Variants in RBM6 observed in about 807,000 individuals in gnomAD.
The protein encoded by RBM6 is RNA binding motif protein 6.
In RBM6, 23 loss-of-function variants were observed where a neutral mutation model predicts 140.4. That is an observed-to-expected ratio of 0.16 (90% confidence interval 0.12 to 0.23). The LOEUF is 0.23. Among genes scored for constraint, RBM6 ranks in the 10% least tolerant of loss-of-function variants. RBM6 has a pLI of 1.00. For synonymous variants in RBM6, 439 were observed against 475.6 expected, an observed-to-expected ratio of 0.92 and a Z score of 1.00; for missense variants, 1,139 against 1,386.7, an observed-to-expected ratio of 0.82 and a Z score of 2.84.
chr3:50,018,609 T>TTA (rs1329741803), intron 6 of RBM6, among the ~76,000 whole-genome samples: 1 of 137,302 alleles, frequency 7.3e-6, no homozygotes, highest in Non-Finnish European at 1.5e-5. Flanking sequence ...TTTTTTTTTT[T>TTA]TTGACACGGA....
intron 1 of RBM6, among the ~76,000 whole-genome samples, chr3:49,949,745 C>G (rs1264191560): frequency 6.6e-6 from 1 of 151,978 alleles, no homozygotes; most frequent in Non-Finnish European, 1.5e-5. Flanking sequence ...GATCTCCTGA[C>G]CTCGTGATCC....
At chr3:50,017,956 C>A (rs186959606) in intron 6 of RBM6, among the ~76,000 whole-genome samples, 1 of 152,290 alleles carries the variant, frequency 6.6e-6, no homozygotes, top group Admixed American at 6.5e-5. Flanking sequence ...ATCCCTGCCA[C>A]CCTTCTCCCA....
In RBM6 at chr3:50,022,825, G is replaced by A. The variant is rs571796316; in HGVS notation, c.1557+23312G>A. On this transcript the variant is annotated intron_variant, in intron 6 of 20. Coordinates refer to ENST00000266022, the MANE Select transcript of RBM6 (RefSeq NM_005777.3). The stretch of plus-strand genomic sequence containing the variant: ...ATATAAGGGAGTTTGGGGGCTGGGC[G>A]CAGTGACTCACACCTGTAATCCCAG... Among the ~76,000 whole-genome samples the A allele has an allele frequency of 3.9e-5, 6 of 152,166 alleles. No individual in the cohort carries two copies. In the South Asian group the frequency reaches 8.3e-4, roughly 21 times the overall value.
rs543079081 is a variant in RBM6, at chr3:50,028,274, C to T, written c.1558-19971C>T. ...GTTTCTGCCTGTGTGTCTGTTAGTGCTCATATGGTCTAGTTCCTGAGTTAA... is the reference window on the plus strand; with the variant it reads ...GTTTCTGCCTGTGTGTCTGTTAGTGTTCATATGGTCTAGTTCCTGAGTTAA... On this transcript the variant is annotated intron_variant, in intron 6 of 20. Coordinates refer to ENST00000266022, the MANE Select transcript of RBM6 (RefSeq NM_005777.3). 6.6e-5 allele frequency among the ~76,000 whole-genome samples: 10 copies of T among 152,238 alleles called. No homozygotes were observed. The East Asian group carries it at 1.9e-3, about 29-fold the overall frequency.
At chr3:50,072,270 C>T (rs1195860625) in intron 19 of RBM6, among the ~76,000 whole-genome samples, 1 of 150,768 alleles carries the variant, frequency 6.6e-6, no homozygotes, top group Admixed American at 6.6e-5. Context: ...ATTAGCCAGG[C>T]GTGGTGGTGG....
chr3:50,068,646 A>G (rs1217920130), intron 17 of RBM6, 44 bp from the exon 18 acceptor site: 1 of 1,577,142 alleles, frequency 6.3e-7, no homozygotes, highest in Admixed American at 1.7e-5. Flanking sequence ...CTCTAGGACC[A>G]TTGTTTCTTA....
At chr3:49,981,857 G>A (rs1575604472) in intron 5 of RBM6, among the ~76,000 whole-genome samples, 1 of 152,102 alleles carries the variant, frequency 6.6e-6, no homozygotes, top group South Asian at 2.1e-4. Context: ...TGCATACTAC[G>A]TAGTATATAA....
intron 19 of RBM6, among the ~76,000 whole-genome samples, chr3:50,073,488 C>T (rs2090366962): frequency 1.3e-5 from 2 of 152,320 alleles, no homozygotes; most frequent in South Asian, 4.1e-4. Context: ...GGGCAGAGCT[C>T]TCATGACCTA....
At chr3:50,022,788 A>G (rs2087571967) in intron 6 of RBM6, among the ~76,000 whole-genome samples, 1 of 152,104 alleles carries the variant, frequency 6.6e-6, no homozygotes, top group African/African-American at 2.4e-5. Context: ...TCTTAAGGTA[A>G]ATATATGTGG....
At chr3:49,941,458 T>C (rs111765900) in intron 1 of RBM6, among the ~76,000 whole-genome samples, 1 of 151,574 alleles carries the variant, frequency 6.6e-6, no homozygotes, top group Admixed American at 6.6e-5. Flanking sequence ...CTGACTAACA[T>C]GGAGAAACCG....
At chr3:50,061,403 C>G (rs984409636) in intron 13 of RBM6, 59 bp from the exon 14 acceptor site, 2 of 1,582,686 alleles carry the variant, frequency 1.3e-6, no homozygotes, top group South Asian at 2.3e-5. Context: ...CTTGATGAGT[C>G]TCCAGTAAGG....
At chr3:49,973,778 GTT>G (rs1374196112) in intron 4 of RBM6, among the ~76,000 whole-genome samples, 1 of 151,760 alleles carries the variant, frequency 6.6e-6, no homozygotes, top group Non-Finnish European at 1.5e-5. Flanking sequence ...TAGAGATGGG[GTT>G]TCACCATCTT....
chr3:49,974,197 C>T (rs1389625296), intron 4 of RBM6, among the ~76,000 whole-genome samples: 1 of 151,350 alleles, frequency 6.6e-6, no homozygotes, highest in Non-Finnish European at 1.5e-5. Flanking sequence ...GCTTCTGGCC[C>T]TGCTTTTCCT....
chr3:50,015,109 T>C (rs1305710266), intron 6 of RBM6, among the ~76,000 whole-genome samples: 1 of 151,118 alleles, frequency 6.6e-6, no homozygotes, highest in African/African-American at 2.4e-5. Context: ...ATTTCTTTTT[T>C]ACTTTTTTTT....
At chr3:50,056,496 G>T (rs191721368) in intron 8 of RBM6, among the ~76,000 whole-genome samples, 34 of 152,128 alleles carry the variant, frequency 2.2e-4, no homozygotes, top group Admixed American at 5.2e-4. Context: ...GGGTTTCACT[G>T]TGTTAGCCAG....
At position 49,967,773 on chromosome 3, in the gene RBM6, G is replaced by C. The variant is rs1380444821; in HGVS notation, c.348G>C (p.Arg116Ser). Residue 116 changes from arginine to serine, a missense_variant, in exon 3 of 21, where the codon AGG becomes AGC. Arg to Ser is a moderately radical substitution (Grantham distance 110). Transcript: ENST00000266022. This position sits in a 1 kb window ranked among gnomAD's most constrained non-coding sequence, Gnocchi z 4.0. ...QSRDSSQLDF[R>S]GRDIHSGDFR... The stretch of plus-strand genomic sequence containing the variant: ...GAGATTCATCACAGTTGGACTTCAG[G>C]GGTAGGGACATACATTCTGGGGATT... The C allele has an allele frequency of 6.2e-7, 1 of 1,614,044 alleles. No homozygotes were observed. The highest frequency in any genetic ancestry group is 8.5e-7 in the Non-Finnish European group (1 of 1,180,014).
At chr3:50,023,122 A>G (rs2108799962) in intron 6 of RBM6, among the ~76,000 whole-genome samples, 1 of 152,222 alleles carries the variant, frequency 6.6e-6, no homozygotes, top group East Asian at 1.9e-4. Flanking sequence ...TTTTTTGAAA[A>G]GTTGAAAATG....
At chr3:49,997,105 G>A (rs1575644712) in intron 5 of RBM6, among the ~76,000 whole-genome samples, 1 of 151,774 alleles carries the variant, frequency 6.6e-6, no homozygotes, top group Non-Finnish European at 1.5e-5. Flanking sequence ...TCATAGGCTA[G>A]TTTGCTAATT....
At chr3:50,041,716 T>G (rs558519650) in intron 6 of RBM6, among the ~76,000 whole-genome samples, 11 of 152,286 alleles carry the variant, frequency 7.2e-5, no homozygotes, top group African/African-American at 2.2e-4. Flanking sequence ...CTAAAGCAAT[T>G]GTAGGTGTTT....
Sources: allele counts gnomAD v4.1 joint callset (sites outside exome capture counted in the v4.1 genomes callset), GRCh38; gene constraint gnomAD v4.1.1; non-coding constraint Gnocchi (gnomAD v3.1); transcripts MANE v1.5; gene names NCBI Gene and HGNC (gene_info 2026-07-23, HGNC 2026-07-21).